ZNF148: variants seen among roughly 807,000 people sequenced by gnomAD.
The protein encoded by ZNF148 is zinc finger protein 148.
Under a neutral mutation model 67.7 loss-of-function variants are expected in ZNF148, and 7 were observed. The ratio of observed to expected loss-of-function variants is 0.10; its 90% CI spans 0.06 to 0.19. The LOEUF (loss-of-function observed/expected upper bound fraction) is 0.19. Ranked by LOEUF, ZNF148 falls within the 10% of genes least tolerant of loss-of-function variation. The pLI, the probability that ZNF148 is intolerant of heterozygous loss-of-function variation, is 1.00. For synonymous variants in ZNF148, 333 were observed against 330.7 expected (o/e 1.01, Z -0.08); for missense variants, 583 against 947.1 (o/e 0.62, Z 5.05).
At chr3:125,363,811 C>G (rs1052884657) in intron 1 of ZNF148, among the ~76,000 whole-genome samples, 3 of 151,782 alleles carry the variant, frequency 2.0e-5, no homozygotes, top group Non-Finnish European at 2.9e-5. Context: ...CACCATGCCC[C>G]GCTAATTTTT....
intron 2 of ZNF148, among the ~76,000 whole-genome samples, chr3:125,327,073 A>G (rs1232491857): frequency 6.6e-6 from 1 of 152,092 alleles, no homozygotes; most frequent in Non-Finnish European, 1.5e-5. Context: ...AAAAAAGGAT[A>G]TACTATAGAA....
At chr3:125,242,102 TATA>T (rs1437323136) in intron 7 of ZNF148, among the ~76,000 whole-genome samples, 1 of 152,228 alleles carries the variant, frequency 6.6e-6, no homozygotes, top group African/African-American at 2.4e-5. Context: ...GTCTTTTGTC[TATA>T]ATGAGTTTCA....
intron 7 of ZNF148, among the ~76,000 whole-genome samples, chr3:125,258,189 A>G (rs1211176718): frequency 1.3e-5 from 2 of 151,910 alleles, no homozygotes; most frequent in Admixed American, 1.3e-4. Context: ...TTGGGAGGCC[A>G]AGGTGGGCGG....
intron 3 of ZNF148, 125 bp from the exon 4 acceptor site, chr3:125,313,781 G>T: frequency 2.7e-6 from 2 of 741,904 alleles, no homozygotes; most frequent in East Asian, 2.8e-5. Flanking sequence ...CTTTGGAACT[G>T]CCTCCAATTT....
intron 1 of ZNF148, among the ~76,000 whole-genome samples, chr3:125,371,448 T>C (rs893278101): frequency 6.9e-6 from 1 of 144,488 alleles, no homozygotes; most frequent in Non-Finnish European, 1.5e-5. Context: ...GGACAGATCA[T>C]GAGGTCAGGA....
intron 2 of ZNF148, among the ~76,000 whole-genome samples, chr3:125,326,973 G>A (rs1004803262): frequency 4.6e-5 from 7 of 151,320 alleles, no homozygotes; most frequent in Non-Finnish European, 7.4e-5. Flanking sequence ...GAAAGGCAGC[G>A]ACTGTCGGAA....
intron 7 of ZNF148, among the ~76,000 whole-genome samples, chr3:125,263,054 T>G (rs1057001977): frequency 6.6e-6 from 1 of 152,248 alleles, no homozygotes; most frequent in Admixed American, 6.5e-5. Context: ...TATATTAAAA[T>G]GTTTTGTCAA....
intron 4 of ZNF148, among the ~76,000 whole-genome samples, chr3:125,288,586 A>T (rs1938835291): frequency 6.6e-6 from 1 of 152,064 alleles, no homozygotes. Flanking sequence ...AAAGCGCACA[A>T]AAAAGGTTAA....
chr3:125,248,487 T>C (rs1358980808), intron 7 of ZNF148, among the ~76,000 whole-genome samples: 2 of 152,144 alleles, frequency 1.3e-5, no homozygotes, highest in African/African-American at 2.4e-5. Context: ...AAAATGCACA[T>C]CGGCTTTCTT....
intron 4 of ZNF148, among the ~76,000 whole-genome samples, chr3:125,308,034 C>T (rs575705999): frequency 1.3e-5 from 2 of 152,168 alleles, no homozygotes; most frequent in East Asian, 3.9e-4. Flanking sequence ...CTACTTGCAT[C>T]GCTTCTATTC....
Position 125,336,738 on chromosome 3 carries a change from A to G in ZNF148, c.-233-5500T>C, listed in dbSNP as rs191879133. Among the ~76,000 whole-genome samples the G allele has an allele frequency of 5.1e-3, 646 of 125,446 alleles. 3 individuals carry two copies. The highest frequency in any genetic ancestry group is 0.019 in the African/African-American group (615 of 31,866). The allele number at this position is 125,446 out of a possible 152,430, so 82.3% of individuals were successfully genotyped here. ...TGTCACCAGGCTGGAGTGCGGTGGTACAATCTCAGCTCACCACAACCTCCA... is the reference window on the plus strand; with the variant it reads ...TGTCACCAGGCTGGAGTGCGGTGGTGCAATCTCAGCTCACCACAACCTCCA... On this transcript the variant is annotated intron_variant, in intron 1 of 8. Transcript: ENST00000360647.
intron 4 of ZNF148, among the ~76,000 whole-genome samples, chr3:125,297,600 A>C (rs555168262): frequency 9.3e-5 from 14 of 151,346 alleles, no homozygotes; most frequent in Non-Finnish European, 1.8e-4. Flanking sequence ...AAAGATGAAC[A>C]TCTACCTTAC....
At chr3:125,286,680 C>T (rs936826911) in intron 5 of ZNF148, among the ~76,000 whole-genome samples, 2 of 152,042 alleles carry the variant, frequency 1.3e-5, no homozygotes, top group South Asian at 2.1e-4. Context: ...GATTATGTAG[C>T]TAATAAATGA....
chr3:125,314,360 T>G (rs1448290080), intron 3 of ZNF148, among the ~76,000 whole-genome samples: 1 of 152,182 alleles, frequency 6.6e-6, no homozygotes, highest in East Asian at 1.9e-4. Context: ...AAATAAAAAA[T>G]GTAAACAAAG....
At chr3:125,283,966 G>T (rs900606183) in intron 5 of ZNF148, among the ~76,000 whole-genome samples, 2 of 152,002 alleles carry the variant, frequency 1.3e-5, no homozygotes, top group African/African-American at 4.8e-5. Context: ...AACAAACCCA[G>T]TTCCTTTTTT....
At chr3:125,348,092 C>CA (rs113097406) in intron 1 of ZNF148, among the ~76,000 whole-genome samples, 50,071 of 148,842 alleles carry the variant, frequency 0.34, 8,882 homozygotes, top group Middle Eastern at 0.42. Flanking sequence ...TCATTTCTAC[C>CA]AAAAAAAAAA....
At chr3:125,336,926 T>G (rs1382582886) in intron 1 of ZNF148, among the ~76,000 whole-genome samples, 1 of 150,790 alleles carries the variant, frequency 6.6e-6, no homozygotes, top group Non-Finnish European at 1.5e-5. Flanking sequence ...CCACCCGCCG[T>G]GGCCTCCCAA....
intron 7 of ZNF148, among the ~76,000 whole-genome samples, chr3:125,239,652 CT>C (rs1431080708): frequency 4.6e-5 from 7 of 152,310 alleles, no homozygotes; most frequent in Non-Finnish European, 1.0e-4. Context: ...AATTTCACCC[CT>C]AAGCACATAC....
At chr3:125,292,927 T>C (rs1481438409) in intron 4 of ZNF148, 1 of 152,212 alleles carries the variant, frequency 6.6e-6, no homozygotes, top group Non-Finnish European at 1.5e-5. Flanking sequence ...ACCACAGATA[T>C]GCATTATATC....
Sources: allele counts gnomAD v4.1 joint callset (sites outside exome capture counted in the v4.1 genomes callset), GRCh38; gene constraint gnomAD v4.1.1; transcripts MANE v1.5; gene names NCBI Gene and HGNC (gene_info 2026-07-23, HGNC 2026-07-21).